Variants in GNB4 observed in about 807,000 individuals in gnomAD.
GNB4 encodes guanine nucleotide-binding protein subunit beta-4.
In GNB4, 28 loss-of-function variants were observed where a neutral mutation model predicts 45.2. The ratio of observed to expected loss-of-function variants is 0.62; its 90% CI spans 0.46 to 0.85. The LOEUF is 0.85. Among genes scored for constraint, GNB4 ranks in the 40% least tolerant of loss-of-function variants. GNB4 has a pLI of 0.00. For missense variants in GNB4, 321 were observed against 425.4 expected (o/e 0.75, Z 2.16); for synonymous variants, 132 against 143.7 (o/e 0.92, Z 0.58).
the GNB4 span, among the ~76,000 whole-genome samples, chr3:179,463,151 T>C: frequency 6.6e-6 from 1 of 152,172 alleles, no homozygotes; most frequent in Non-Finnish European, 1.5e-5. Flanking sequence ...GTACATTCGC[T>C]GGGTCAGGAA....
intron 1 of GNB4, among the ~76,000 whole-genome samples, chr3:179,439,593 G>A (rs915975855): frequency 2.0e-5 from 3 of 152,194 alleles, no homozygotes; most frequent in Non-Finnish European, 2.9e-5. Flanking sequence ...CTTCACAGGC[G>A]TGGGGACATA....
In GNB4 at chr3:179,398,741, CTAT is replaced by C. The variant is rs1714195477; in HGVS notation, c.*2469_*2471del. On this transcript the variant is annotated 3_prime_UTR_variant, in exon 10 of 10. Coordinates refer to ENST00000232564, the MANE Select transcript of GNB4 (RefSeq NM_021629.4). Reference sequence around the variant, plus strand: ...CAAATATATTTAGCAACTGGAGCCCCTATTATTAGAAAGCAAAGGTGTAACCAT... The same window carrying C: ...CAAATATATTTAGCAACTGGAGCCCCTATTAGAAAGCAAAGGTGTAACCAT... The C allele has an allele frequency of 6.7e-6, 1 of 150,350 alleles. No homozygotes were observed. The highest frequency in any genetic ancestry group is 1.5e-5 in the Non-Finnish European group (1 of 68,032). 9.3% of individuals were successfully genotyped at this position (150,350 alleles called of 1,614,324 possible).
intron 1 of GNB4, among the ~76,000 whole-genome samples, chr3:179,445,509 C>T (rs1438694810): frequency 6.6e-6 from 1 of 152,190 alleles, no homozygotes; most frequent in Non-Finnish European, 1.5e-5. Flanking sequence ...TGGTCTTAAA[C>T]TCCTAGGCTC....
chr3:179,507,606 G>A, the GNB4 span, among the ~76,000 whole-genome samples: 1 of 152,120 alleles, frequency 6.6e-6, no homozygotes, highest in Non-Finnish European at 1.5e-5. Flanking sequence ...CCCTCTGCCT[G>A]GAGTGCTCTT....
At chr3:179,515,387 G>C in the GNB4 span, among the ~76,000 whole-genome samples, 1 of 152,180 alleles carries the variant, frequency 6.6e-6, no homozygotes. Flanking sequence ...GTGCAGGCAG[G>C]CTAAGTCCAA....
chr3:179,474,737 C>CT, the GNB4 span, among the ~76,000 whole-genome samples: 2,591 of 59,562 alleles, frequency 0.044, 87 homozygotes, highest in Middle Eastern at 0.1. Context: ...AGACTGGGTC[C>CT]TTTTTTTTTT....
the GNB4 span, among the ~76,000 whole-genome samples, chr3:179,518,010 TG>T: frequency 1.3e-5 from 2 of 151,430 alleles, no homozygotes; most frequent in African/African-American, 2.4e-5. Context: ...TCCACTTTCC[TG>T]GGGGGCAAGC....
At chr3:179,460,224 T>G in the GNB4 span, among the ~76,000 whole-genome samples, 2 of 152,190 alleles carry the variant, frequency 1.3e-5, no homozygotes, top group Non-Finnish European at 2.9e-5. Flanking sequence ...TGCAAATGAG[T>G]CTGTGTTAGG....
the GNB4 span, among the ~76,000 whole-genome samples, chr3:179,520,455 A>G: frequency 1.3e-5 from 2 of 152,062 alleles, no homozygotes; most frequent in African/African-American, 4.8e-5. Flanking sequence ...TAGCTTTTTT[A>G]TCCAAATAAC....
chr3:179,497,496 A>G, the GNB4 span, among the ~76,000 whole-genome samples: 1 of 152,194 alleles, frequency 6.6e-6, no homozygotes, highest in African/African-American at 2.4e-5. Flanking sequence ...GCAGAAATAA[A>G]TTAATGAAAC....
the GNB4 span, among the ~76,000 whole-genome samples, chr3:179,515,052 T>C: frequency 6.6e-6 from 1 of 152,212 alleles, no homozygotes. Context: ...GAGCCTGATA[T>C]TGAAAACCCA....
chr3:179,437,089 T>TAC (rs146490145), intron 1 of GNB4, among the ~76,000 whole-genome samples: 1,589 of 152,054 alleles, frequency 0.01, 12 homozygotes, highest in Non-Finnish European at 0.016. Flanking sequence ...GACATAAAAA[T>TAC]ACACACACAC....
chr3:179,521,349 C>A, the GNB4 span, among the ~76,000 whole-genome samples: 3 of 152,168 alleles, frequency 2.0e-5, no homozygotes, highest in African/African-American at 7.2e-5. Context: ...TTAAAAAGGA[C>A]TGGACAATAC....
At chr3:179,448,054 G>C (rs1358066833) in intron 1 of GNB4, among the ~76,000 whole-genome samples, 2 of 152,224 alleles carry the variant, frequency 1.3e-5, no homozygotes, top group African/African-American at 4.8e-5. Context: ...GTGACCTGGA[G>C]AAGAATTGTT....
intron 2 of GNB4, among the ~76,000 whole-genome samples, chr3:179,423,558 T>C (rs1328415512): frequency 6.6e-6 from 1 of 151,360 alleles, no homozygotes. Flanking sequence ...CCGAGGCAGG[T>C]GGATCATGAG....
At chr3:179,500,208 G>A in the GNB4 span, among the ~76,000 whole-genome samples, 2 of 152,160 alleles carry the variant, frequency 1.3e-5, no homozygotes, top group Non-Finnish European at 2.9e-5. Flanking sequence ...GGGTTTTTAT[G>A]TTTTTAGGTC....
intron 1 of GNB4, among the ~76,000 whole-genome samples, chr3:179,450,519 T>C (rs1241042899): frequency 2.0e-5 from 3 of 152,212 alleles, no homozygotes; most frequent in Non-Finnish European, 2.9e-5. Context: ...CAAGCTACTT[T>C]GTCGGTGGCT....
At chr3:179,470,727 T>A in the GNB4 span, among the ~76,000 whole-genome samples, 2 of 151,862 alleles carry the variant, frequency 1.3e-5, no homozygotes, top group African/African-American at 2.4e-5. Context: ...GTAGTTTTAG[T>A]AGAGACGGGG....
intron 1 of GNB4, among the ~76,000 whole-genome samples, chr3:179,434,475 C>A (rs979761833): frequency 8.5e-5 from 13 of 152,070 alleles, no homozygotes; most frequent in African/African-American, 3.1e-4. Context: ...AATCTCAGAG[C>A]TTTGAGAGGC....
Sources: allele counts gnomAD v4.1 joint callset (sites outside exome capture counted in the v4.1 genomes callset), GRCh38; gene constraint gnomAD v4.1.1; transcripts MANE v1.5; gene names NCBI Gene and HGNC (gene_info 2026-07-23, HGNC 2026-07-21).